The following DYSF variants were observed in gnomAD, a reference collection of about 807,000 sequenced individuals.
The protein encoded by DYSF is dysferlin, also known as dystrophy-associated fer-1-like 1.
A neutral mutation model predicts 274.9 loss-of-function variants in DYSF; 212 were observed. The ratio of observed to expected loss-of-function variants is 0.77; its 90% CI spans 0.69 to 0.86. DYSF has a LOEUF of 0.86. Ranked by LOEUF, DYSF falls within the 40% of genes least tolerant of loss-of-function variation. DYSF has a pLI of 0.00. For synonymous variants in DYSF, 1,091 were observed against 1,078.7 expected (o/e 1.01, Z -0.22); for missense variants, 2,666 against 2,783.2 (o/e 0.96, Z 0.95).
At chr2:71,597,925 T>C (rs201960488) in intron 32 of DYSF, among the ~76,000 whole-genome samples, 1 of 152,168 alleles carries the variant, frequency 6.6e-6, no homozygotes, top group Non-Finnish European at 1.5e-5. Flanking sequence ...CTGTTCTCCA[T>C]GTGGCAGCCA....
chr2:71,610,522 A>G (rs2093732778), intron 36 of DYSF, among the ~76,000 whole-genome samples: 1 of 152,118 alleles, frequency 6.6e-6, no homozygotes, highest in Non-Finnish European at 1.5e-5. Flanking sequence ...GTTCTTTGTG[A>G]TCATTGAGGA....
At chr2:71,531,668 C>A (rs921245802) in intron 14 of DYSF, among the ~76,000 whole-genome samples, 2 of 150,998 alleles carry the variant, frequency 1.3e-5, no homozygotes, top group Non-Finnish European at 3.0e-5. Context: ...ATTTTTGTGC[C>A]TTTTCTTGGC....
chr2:71,476,455 C>T (rs538191463), intron 1 of DYSF, among the ~76,000 whole-genome samples: 3 of 151,466 alleles, frequency 2.0e-5, no homozygotes, highest in Admixed American at 6.6e-5. Flanking sequence ...GCATGAGAAT[C>T]GCTTGAACCT....
chr2:71,620,599 C>T lies in DYSF; in HGVS notation c.4517C>T (p.Ser1506Phe). Residue 1506 changes from serine (S) to phenylalanine (F), a missense_variant, in exon 41 of 56, where the codon TCC becomes TTC. By Grantham distance (155) the Ser-to-Phe change is radical. This residue lies in a region of DYSF where 1,460 missense variants were observed against 1,502.1 expected (regional missense o/e 0.97). Coordinates refer to ENST00000410020, the MANE Select transcript of DYSF (RefSeq NM_001130987.2). ...CCCACTAACACGGCTTCTCCTCCAT[C>T]CAGTCCTCATGTATGTACTGTTTAC... The part of the protein sequence containing the change: ...LAPTNTASPP[S>F]SPHEEEFIDW... 6.4e-7 allele frequency: 1 copy of T among 1,551,636 alleles called. No individual in the cohort carries two copies. Among genetic ancestry groups the T allele is most frequent in the Non-Finnish European group, 8.7e-7 (1 of 1,146,986 alleles).
chr2:71,591,546 T>C (rs2093267016), intron 32 of DYSF, among the ~76,000 whole-genome samples: 1 of 152,252 alleles, frequency 6.6e-6, no homozygotes, highest in South Asian at 2.1e-4. Flanking sequence ...AAGTAGGTGG[T>C]CAACATCCCC....
chr2:71,536,037 C>T (rs1455381303), intron 16 of DYSF, among the ~76,000 whole-genome samples: 2 of 152,196 alleles, frequency 1.3e-5, no homozygotes, highest in Non-Finnish European at 2.9e-5. Flanking sequence ...TGAACCCAAG[C>T]CTGCTGTTTC....
intron 17 of DYSF, among the ~76,000 whole-genome samples, chr2:71,546,518 A>G (rs1160435136): frequency 6.6e-6 from 1 of 152,206 alleles, no homozygotes; most frequent in Non-Finnish European, 1.5e-5. Flanking sequence ...TGTTCCTTGG[A>G]CCCTGTGCTC....
rs572362640 is a variant in DYSF, at chr2:71,651,068, A to G, written c.4627-5094A>G. On this transcript the variant is annotated intron_variant, in intron 42 of 55. Coordinates refer to ENST00000410020, the MANE Select transcript of DYSF (RefSeq NM_001130987.2). ...CATTAGTGAGCAGAGGCAATTTCAT[A>G]TGAGTAACTATTTTCATTATCTGGA... Among the ~76,000 whole-genome samples the G allele has an allele frequency of 2.6e-5, 4 of 152,344 alleles. No homozygotes were observed. The East Asian group carries it at 7.7e-4, about 29-fold the overall frequency.
chr2:71,611,682 A>G (rs1396976953), intron 38 of DYSF, 56 bp downstream of exon 38: 2 of 1,589,628 alleles, frequency 1.3e-6, no homozygotes, highest in African/African-American at 1.3e-5. Context: ...GAAGTTCTAC[A>G]TGTCCCCGAG....
chr2:71,520,887 C>T lies in DYSF; in HGVS notation c.1132C>T (p.Pro378Ser). The T allele has an allele frequency of 6.2e-7, 1 of 1,614,100 alleles. No individual in the cohort carries two copies. The highest frequency in any genetic ancestry group is 1.3e-5 in the African/African-American group (1 of 75,034). The change falls in exon 12 of 56, where the codon CCT (proline) becomes TCT (serine). Residue 378 changes from proline (P) to serine (S), a missense_variant. Pro to Ser is a moderately conservative substitution (Grantham distance 74). Coordinates refer to ENST00000410020, the MANE Select transcript of DYSF (RefSeq NM_001130987.2). ...GAAAACAAGCCTTTGTGTGCTGGGG[C>T]CTGGGGACGAAGCGCCTGTGAGTAC... ...YLKTSLCVLG[P>S]GDEAPLERKD...
chr2:71,618,037 AT>A (rs2093950589), intron 40 of DYSF, among the ~76,000 whole-genome samples: 1 of 25,146 alleles, frequency 4.0e-5, no homozygotes, highest in Admixed American at 5.1e-4. Flanking sequence ...TGTGGTAGAG[AT>A]GGTGTGTGTG....
chr2:71,665,941 A>G (rs1479665353), intron 47 of DYSF, among the ~76,000 whole-genome samples: 1 of 152,164 alleles, frequency 6.6e-6, no homozygotes, highest in African/African-American at 2.4e-5. Context: ...TTACAGGCCC[A>G]GCTGGCCCCT....
chr2:71,457,890 G>A (rs899965298), intron 1 of DYSF, among the ~76,000 whole-genome samples: 2 of 152,168 alleles, frequency 1.3e-5, no homozygotes, highest in African/African-American at 4.8e-5. Flanking sequence ...CTTCCAGGGA[G>A]GGGGTCATGT....
intron 22 of DYSF, among the ~76,000 whole-genome samples, chr2:71,559,535 C>G (rs542954327): frequency 9.8e-5 from 15 of 152,326 alleles, no homozygotes; most frequent in African/African-American, 3.6e-4. Context: ...CTTTCTGTCC[C>G]CACCACCTGC....
chr2:71,668,664 C>G, intron 48 of DYSF, 90 bp from the exon 49 acceptor site: 1 of 1,277,460 alleles, frequency 7.8e-7, no homozygotes, highest in South Asian at 1.3e-5. Flanking sequence ...TTTCTCTGTT[C>G]TGTGCCCTCA....
chr2:71,574,950 C>T (rs916730017), intron 30 of DYSF, among the ~76,000 whole-genome samples: 3 of 152,162 alleles, frequency 2.0e-5, no homozygotes, highest in Non-Finnish European at 4.4e-5. Context: ...GCAGGTGTCT[C>T]GGGGACAGTC....
In DYSF at chr2:71,522,387, C is replaced by T. The variant is rs1001638174; in HGVS notation, c.1149+1483C>T. 8.6e-5 allele frequency among the ~76,000 whole-genome samples: 13 copies of T among 151,746 alleles called. No homozygotes were observed. The South Asian group carries it at 2.5e-3, about 29-fold the overall frequency. On this transcript the variant is annotated intron_variant, in intron 12 of 55. Coordinates refer to ENST00000410020, the MANE Select transcript of DYSF (RefSeq NM_001130987.2). ...GTCACTCATTACCATAGCTTAGGAG[C>T]TCTCCTCTGTTGTTAGACTGCACCA... is the stretch of plus-strand genomic sequence containing the variant.
At chr2:71,520,962 G>C in intron 12 of DYSF, 58 bp downstream of exon 12, 2 of 1,454,224 alleles carry the variant, frequency 1.4e-6, no homozygotes, top group Non-Finnish European at 9.7e-7. Context: ...TGGTTGCGGA[G>C]GCACCAAACC....
rs865792787 is a variant in DYSF, at chr2:71,674,287, G to A, written c.5875G>A (p.Asp1959Asn). The A allele has an allele frequency of 6.2e-7, 1 of 1,614,220 alleles. No homozygotes were observed. The highest frequency in any genetic ancestry group is 1.3e-5 in the African/African-American group (1 of 75,064). The change falls in exon 52 of 56, where the codon GAT (aspartate) becomes AAT (asparagine). Residue 1959 changes from aspartate (D) to asparagine (N), a missense_variant. Coordinates refer to ENST00000410020, the MANE Select transcript of DYSF (RefSeq NM_001130987.2). ...GGACAATGACAAGTTCTCCTTTGATGATTTTCTGGGTAAGCGCTATTGCTA... is the reference window on the plus strand; with the variant it reads ...GGACAATGACAAGTTCTCCTTTGATAATTTTCTGGGTAAGCGCTATTGCTA... ...IWDNDKFSFD[D>N]FLGSLQLDLN...
Sources: gnomAD v4.1 joint callset for allele counts (sites outside exome capture counted in the v4.1 genomes callset) on GRCh38, gnomAD v4.1.1 for gene constraint, gnomAD v4.1.1 regional missense constraint, MANE v1.5 for transcripts, NCBI Gene and HGNC (gene_info 2026-07-23, HGNC 2026-07-21) for gene names.